The following FAM13A variants were observed in gnomAD, a reference collection of about 807,000 sequenced individuals.
The protein encoded by FAM13A is family with sequence similarity 13 member A.
Under a neutral mutation model 129.6 loss-of-function variants are expected in FAM13A, and 76 were observed. The observed-to-expected ratio is 0.59, with a 90% CI of 0.49 to 0.71. FAM13A has a LOEUF of 0.71. FAM13A is among the 30% of genes least tolerant of loss of function. FAM13A has a pLI of 0.00. For missense variants in FAM13A, 1,108 were observed against 1,249.3 expected (o/e 0.89, Z 1.70); for synonymous variants, 443 against 449.9 (o/e 0.98, Z 0.20).
intron 3 of FAM13A, among the ~76,000 whole-genome samples, chr4:88,999,339 C>T (rs1304314240): frequency 6.6e-6 from 1 of 151,970 alleles, no homozygotes; most frequent in Non-Finnish European, 1.5e-5. Context: ...CTCATATCTA[C>T]AATAAAGGTT....
At chr4:89,001,083 A>G (rs772453738) in intron 3 of FAM13A, among the ~76,000 whole-genome samples, 27 of 152,364 alleles carry the variant, frequency 1.8e-4, no homozygotes, top group South Asian at 1.0e-3. Flanking sequence ...CAAAAGCCAT[A>G]TAAGGAAAAT....
chr4:88,787,703 C>T, intron 10 of FAM13A, 50 bp downstream of exon 10: 2 of 1,576,042 alleles, frequency 1.3e-6, no homozygotes, highest in Non-Finnish European at 1.7e-6. Flanking sequence ...GTGTATATTT[C>T]TTTTAAAAAG....
chr4:88,931,692 C>T (rs1338603456), intron 5 of FAM13A, among the ~76,000 whole-genome samples: 1 of 152,158 alleles, frequency 6.6e-6, no homozygotes, highest in Non-Finnish European at 1.5e-5. Context: ...TTTAAAAATA[C>T]ATCATTTAAC....
At chr4:88,837,542 C>T (rs1489653325) in intron 7 of FAM13A, among the ~76,000 whole-genome samples, 2 of 150,712 alleles carry the variant, frequency 1.3e-5, no homozygotes, top group Non-Finnish European at 3.0e-5. Flanking sequence ...ATGGAGAAAG[C>T]CCGTCTGTAC....
At chr4:88,769,604 C>T (rs182984716) in intron 11 of FAM13A, among the ~76,000 whole-genome samples, 24 of 152,004 alleles carry the variant, frequency 1.6e-4, no homozygotes, top group Non-Finnish European at 2.4e-4. Flanking sequence ...GAGGCTGAGG[C>T]GGGCAGATCA....
At chr4:88,987,576 T>C (rs11737016) in intron 4 of FAM13A, among the ~76,000 whole-genome samples, 108,230 of 151,802 alleles carry the variant, frequency 0.71, 38,919 homozygotes, top group African/African-American at 0.82. Context: ...AATCTGAGGC[T>C]GGGCGCGGTG....
chr4:88,843,711 TA>T (rs1480053543), intron 7 of FAM13A, among the ~76,000 whole-genome samples: 2 of 152,238 alleles, frequency 1.3e-5, no homozygotes, highest in Non-Finnish European at 2.9e-5. Context: ...AAGACAATAT[TA>T]AATTATAAAG....
At chr4:88,972,444 GGT>G (rs1760242563) in intron 4 of FAM13A, among the ~76,000 whole-genome samples, 2 of 151,970 alleles carry the variant, frequency 1.3e-5, no homozygotes, top group Admixed American at 1.3e-4. Context: ...TGGGACTACA[GGT>G]GCGTGCCACC....
rs546812276 is a variant in FAM13A at position 88,844,713 on chromosome 4, G to C, written c.1007+6307C>G. On this transcript the variant is annotated intron_variant, in intron 7 of 23. Coordinates refer to ENST00000264344, the MANE Select transcript of FAM13A (RefSeq NM_014883.4). Reference sequence around the variant, plus strand: ...AGGGCAAGCGGTTCCTTGTAGGCTAGGCACAAGAAAGCCATTATATAGTTC... The same window carrying C: ...AGGGCAAGCGGTTCCTTGTAGGCTACGCACAAGAAAGCCATTATATAGTTC... Among the ~76,000 whole-genome samples, 28 of 152,252 alleles carry C rather than the reference G, an allele frequency of 1.8e-4. No homozygotes were observed. The South Asian group carries it at 3.3e-3, about 18-fold the overall frequency.
At chr4:88,750,988 T>C (rs1205348900) in intron 14 of FAM13A, among the ~76,000 whole-genome samples, 1 of 152,222 alleles carries the variant, frequency 6.6e-6, no homozygotes, top group East Asian at 1.9e-4. Flanking sequence ...ATGCCTGTAA[T>C]CCCAGCACTT....
intron 5 of FAM13A, among the ~76,000 whole-genome samples, chr4:88,915,292 G>T (rs1232463033): frequency 6.6e-6 from 1 of 152,074 alleles, no homozygotes; most frequent in Non-Finnish European, 1.5e-5. Context: ...AAACTCGAAA[G>T]AAATATAATG....
chr4:89,049,109 A>G (rs1041113923), intron 1 of FAM13A, among the ~76,000 whole-genome samples: 2 of 152,198 alleles, frequency 1.3e-5, no homozygotes, highest in Non-Finnish European at 2.9e-5. Context: ...AAAATTACAA[A>G]GACTTGGGCT....
At chr4:88,765,658 A>G (rs1409102728) in intron 13 of FAM13A, among the ~76,000 whole-genome samples, 2 of 152,256 alleles carry the variant, frequency 1.3e-5, no homozygotes, top group African/African-American at 4.8e-5. Context: ...GGATAATAAC[A>G]AAATAAATTT....
At chr4:88,791,528 A>T (rs975125654) in intron 8 of FAM13A, among the ~76,000 whole-genome samples, 11 of 152,114 alleles carry the variant, frequency 7.2e-5, no homozygotes, top group African/African-American at 2.7e-4. Flanking sequence ...TCAAGATTTA[A>T]AAGTGCCTAT....
chr4:88,883,492 C>G (rs1034974552), intron 6 of FAM13A, among the ~76,000 whole-genome samples: 2 of 151,994 alleles, frequency 1.3e-5, no homozygotes, highest in African/African-American at 4.8e-5. Flanking sequence ...CCTATCAAAA[C>G]CTCTGTAATA....
chr4:89,020,508 T>A lies in FAM13A; in HGVS notation c.379A>T (p.Ser127Cys). 6.2e-7 allele frequency: 1 copy of A among 1,614,102 alleles called. No homozygotes were observed. The highest frequency in any genetic ancestry group is 8.5e-7 in the Non-Finnish European group (1 of 1,180,012). ...LKLFLRELPD[S>C]LITSALQPRF... ...GGCTGCAACGCTGAGGTGATCAGAC[T>A]GTCAGGCAGCTCCCTCAGAAACAGC... The change falls in exon 3 of 24, where the codon AGT (serine) becomes TGT (cysteine). Residue 127 changes from serine to cysteine, a missense_variant. Ser to Cys is a moderately radical substitution (Grantham distance 112). Transcript: ENST00000264344.
At chr4:88,853,522 T>C (rs1014551231) in intron 6 of FAM13A, among the ~76,000 whole-genome samples, 4 of 152,218 alleles carry the variant, frequency 2.6e-5, no homozygotes, top group African/African-American at 9.6e-5. Context: ...ATAAAACCAC[T>C]GAAAATGCAG....
intron 6 of FAM13A, among the ~76,000 whole-genome samples, chr4:88,886,552 C>T (rs918690422): frequency 1.3e-5 from 2 of 151,898 alleles, no homozygotes; most frequent in African/African-American, 4.8e-5. Context: ...CGCACCACTG[C>T]ACTCCAGCCT....
chr4:88,945,182 C>T (rs1307645112), intron 4 of FAM13A, among the ~76,000 whole-genome samples: 1 of 152,136 alleles, frequency 6.6e-6, no homozygotes, highest in East Asian at 1.9e-4. Context: ...TTTTTATTAT[C>T]AACTGTAGAC....
Sources: gnomAD v4.1 joint callset for allele counts (sites outside exome capture counted in the v4.1 genomes callset) on GRCh38, gnomAD v4.1.1 for gene constraint, MANE v1.5 for transcripts, NCBI Gene and HGNC (gene_info 2026-07-23, HGNC 2026-07-21) for gene names.